The following LMBR1 variants were observed in gnomAD, a reference collection of about 807,000 sequenced individuals.
LMBR1 encodes limb region 1 protein homolog.
LMBR1 carries 52 observed loss-of-function variants against 73.9 expected under a neutral mutation model. The ratio of observed to expected loss-of-function variants is 0.70; its 90% confidence interval spans 0.56 to 0.89. The LOEUF is 0.89. Ranked by LOEUF, LMBR1 falls within the 40% of genes least tolerant of loss-of-function variation. The pLI, the probability that LMBR1 is intolerant of heterozygous loss-of-function variation, is 0.00. For missense variants in LMBR1, 539 were observed against 579.8 expected (o/e 0.93, Z 0.72); for synonymous variants, 215 against 209.4 (o/e 1.03, Z -0.23).
chr7:156,733,474 C>T (rs566627973), intron 10 of LMBR1, among the ~76,000 whole-genome samples: 1 of 151,882 alleles, frequency 6.6e-6, no homozygotes, highest in Admixed American at 6.5e-5. Context: ...CAAACAGGCC[C>T]CCAGAGATGA....
intron 15 of LMBR1, among the ~76,000 whole-genome samples, chr7:156,705,818 C>T (rs1810803054): frequency 6.6e-6 from 1 of 151,974 alleles, no homozygotes; most frequent in Admixed American, 6.6e-5. Context: ...AATCCAATGG[C>T]AATACTACAG....
intron 4 of LMBR1, among the ~76,000 whole-genome samples, chr7:156,814,823 A>C (rs1179024436): frequency 6.6e-6 from 1 of 152,204 alleles, no homozygotes; most frequent in African/African-American, 2.4e-5. Flanking sequence ...TATGTTAAAC[A>C]AATGTCAGTG....
chr7:156,767,605 A>T (rs1488704443), intron 5 of LMBR1, among the ~76,000 whole-genome samples: 1 of 152,004 alleles, frequency 6.6e-6, no homozygotes, highest in Non-Finnish European at 1.5e-5. Flanking sequence ...ACTAGTATCA[A>T]AATAATAAAA....
chr7:156,867,257 A>T (rs1319179962), intron 1 of LMBR1, among the ~76,000 whole-genome samples: 1 of 152,256 alleles, frequency 6.6e-6, no homozygotes, highest in African/African-American at 2.4e-5. Context: ...ATCAAAAATC[A>T]TAATGACAAG....
chr7:156,840,508 T>C (rs1307731490), intron 1 of LMBR1, among the ~76,000 whole-genome samples: 1 of 151,638 alleles, frequency 6.6e-6, no homozygotes, highest in East Asian at 1.9e-4. Flanking sequence ...AGAGACAAGG[T>C]CAGAAAATAA....
At chr7:156,719,411 T>C (rs187487146) in intron 15 of LMBR1, among the ~76,000 whole-genome samples, 1 of 152,232 alleles carries the variant, frequency 6.6e-6, no homozygotes, top group Admixed American at 6.5e-5. Context: ...TTCCAAGTCT[T>C]TGCTATTGTG....
At chr7:156,820,557 G>C (rs1264638431) in intron 4 of LMBR1, among the ~76,000 whole-genome samples, 1 of 152,118 alleles carries the variant, frequency 6.6e-6, no homozygotes, top group African/African-American at 2.4e-5. Flanking sequence ...CAAAAATTTA[G>C]GGGCCTTCTA....
At chr7:156,698,756 G>A (rs1197360954) in intron 15 of LMBR1, among the ~76,000 whole-genome samples, 1 of 152,144 alleles carries the variant, frequency 6.6e-6, no homozygotes, top group Non-Finnish European at 1.5e-5. Context: ...CCTGTGATGG[G>A]AGGGGCTGCC....
Position 156,684,027 on chromosome 7 carries a change from G to C in LMBR1, c.*51C>G, listed in dbSNP as rs770940007. ...CTTCTACATGGGACAGGAATGTCGT[G>C]AATCTGGAGTTCTCGGGTCTCTTGG... On this transcript the variant is annotated 3_prime_UTR_variant, in exon 17 of 17. Transcript: ENST00000353442. 1.4e-6 allele frequency: 2 copies of C among 1,421,404 alleles called. No individual in the cohort carries two copies. Among genetic ancestry groups the C allele is most frequent in the Non-Finnish European group, 2.0e-6 (2 of 1,007,076 alleles). The allele number at this position is 1,421,404 out of a possible 1,614,324, so 88.0% of individuals were successfully genotyped here. A position where few individuals can be genotyped will look rare whatever the true frequency, so the allele number is the denominator to read the frequency against.
At chr7:156,809,427 G>A (rs1296743573) in intron 4 of LMBR1, among the ~76,000 whole-genome samples, 2 of 152,150 alleles carry the variant, frequency 1.3e-5, no homozygotes, top group Non-Finnish European at 2.9e-5. Flanking sequence ...AGATGCTCAA[G>A]TCCCTTATGT....
chr7:156,711,377 T>C (rs572965652), intron 15 of LMBR1, among the ~76,000 whole-genome samples: 6 of 151,940 alleles, frequency 3.9e-5, no homozygotes, highest in East Asian at 1.9e-4. Context: ...TGGAAAAACA[T>C]CCCATGCTCA....
intron 9 of LMBR1, among the ~76,000 whole-genome samples, chr7:156,743,444 A>C (rs2132622051): frequency 6.6e-6 from 1 of 152,266 alleles, no homozygotes; most frequent in East Asian, 1.9e-4. Flanking sequence ...CAGAAAACTA[A>C]ACTCAAAGTA....
intron 1 of LMBR1, among the ~76,000 whole-genome samples, chr7:156,888,512 G>C (rs1416575494): frequency 1.3e-5 from 2 of 151,928 alleles, no homozygotes; most frequent in East Asian, 3.9e-4. Flanking sequence ...GCATACCCAT[G>C]ATCACAGCAG....
chr7:156,768,797 A>G (rs1824627823), intron 5 of LMBR1, among the ~76,000 whole-genome samples: 1 of 152,176 alleles, frequency 6.6e-6, no homozygotes, highest in South Asian at 2.1e-4. Context: ...TCCACCCCAG[A>G]AGAGGGATGC....
chr7:156,726,069 G>T, intron 12 of LMBR1: 1 of 385,904 alleles, frequency 2.6e-6, no homozygotes. Context: ...TATCTCAAAT[G>T]TAATTTAAGT....
rs1804542636 is a variant in LMBR1, at chr7:156,678,932, T to C, written c.*5146A>G. ...TTAGCGAATTGTGGGACTGGAGGCA[T>C]TTGATAAGAATAAAGGTTATAATCT... On this transcript the variant is annotated 3_prime_UTR_variant, in exon 17 of 17. Coordinates refer to ENST00000353442, the MANE Select transcript of LMBR1 (RefSeq NM_022458.4). 1 of 152,192 alleles carries C rather than the reference T, an allele frequency of 6.6e-6. No homozygotes were observed. The highest frequency in any genetic ancestry group is 1.5e-5 in the Non-Finnish European group (1 of 68,032). 9.4% of individuals were successfully genotyped at this position (152,192 alleles called of 1,614,324 possible). A position where few individuals can be genotyped will look rare whatever the true frequency, so the allele number is the denominator to read the frequency against.
chr7:156,794,572 A>G lies in LMBR1; in HGVS notation c.423+1817T>C, dbSNP rs577056691. Among the ~76,000 whole-genome samples the G allele has an allele frequency of 2.0e-5, 3 of 152,358 alleles. No individual in the cohort carries two copies. The East Asian group carries it at 5.8e-4, about 29-fold the overall frequency. On this transcript the variant is annotated intron_variant, in intron 5 of 16. Coordinates refer to ENST00000353442, the MANE Select transcript of LMBR1 (RefSeq NM_022458.4). Reference sequence around the variant, plus strand: ...TAACTTGGAGGCAAAGAGTTTGTCCATATTACACCCTGTTATTGTAAATAA... The same window carrying G: ...TAACTTGGAGGCAAAGAGTTTGTCCGTATTACACCCTGTTATTGTAAATAA...
intron 4 of LMBR1, chr7:156,823,318 G>A (rs1480821757): frequency 6.6e-6 from 1 of 151,962 alleles, no homozygotes; most frequent in African/African-American, 2.4e-5. Flanking sequence ...TAAGTTTATG[G>A]CTAAAAACAA....
At chr7:156,846,384 A>G (rs1473780247) in intron 1 of LMBR1, among the ~76,000 whole-genome samples, 1 of 152,162 alleles carries the variant, frequency 6.6e-6, no homozygotes, top group Non-Finnish European at 1.5e-5. Context: ...ACAGAGTGAG[A>G]CCCTGTCTCA....
Sources: allele counts gnomAD v4.1 joint callset (sites outside exome capture counted in the v4.1 genomes callset), GRCh38; gene constraint gnomAD v4.1.1; transcripts MANE v1.5; gene names NCBI Gene and HGNC (gene_info 2026-07-23, HGNC 2026-07-21).